PDE4D: variants seen among roughly 807,000 people sequenced by gnomAD.
PDE4D encodes phosphodiesterase 4D.
In PDE4D, 24 loss-of-function variants were observed where a neutral mutation model predicts 87.4. The observed-to-expected ratio is 0.27, with a 90% CI of 0.20 to 0.39. The LOEUF (loss-of-function observed/expected upper bound fraction) is 0.39, where lower values mean the gene tolerates loss of function less well. PDE4D is among the 10% of genes least tolerant of loss of function. The probability of loss-of-function intolerance (pLI) is 1.00; values close to 1 mark genes in which losing one functional copy is unlikely to be tolerated. For synonymous variants in PDE4D, 384 were observed against 383.2 expected (o/e 1.00, Z -0.02); for missense variants, 714 against 1,041.0 (o/e 0.69, Z 4.32).
At chr5:59,491,822 G>T (rs796903752) in intron 1 of PDE4D, among the ~76,000 whole-genome samples, 7 of 152,292 alleles carry the variant, frequency 4.6e-5, no homozygotes, top group African/African-American at 1.7e-4. Flanking sequence ...TGGTGAGATA[G>T]CAGGGATAAT....
Position 59,936,875 on chromosome 5 carries a change from A to G in PDE4D, c.272+51613T>C, listed in dbSNP as rs557871507. On this transcript the variant is annotated intron_variant, in intron 3 of 16. Coordinates refer to the PDE4D transcript ENST00000502484. ...CAAAATAAAGATAAGAATGGCTTAG[A>G]AAAAACATTTTTAGAGTTCCAAGGT... is the stretch of plus-strand genomic sequence containing the variant. Among the ~76,000 whole-genome samples, 10 of 152,360 alleles carry G rather than the reference A, an allele frequency of 6.6e-5. No homozygotes were observed. The South Asian group carries it at 1.7e-3, about 25-fold the overall frequency.
At chr5:59,118,324 G>A (rs991952060) in intron 5 of PDE4D, among the ~76,000 whole-genome samples, 11 of 152,048 alleles carry the variant, frequency 7.2e-5, no homozygotes, top group African/African-American at 2.4e-4. Flanking sequence ...CTTTCAACAC[G>A]TTGTATTTTA....
At chr5:59,991,323 A>G (rs1433805027) in intron 2 of PDE4D, among the ~76,000 whole-genome samples, 1 of 152,122 alleles carries the variant, frequency 6.6e-6, no homozygotes, top group Admixed American at 6.5e-5. Flanking sequence ...AAAGACAAGC[A>G]AGGCTAAGAC....
intron 1 of PDE4D, among the ~76,000 whole-genome samples, chr5:59,609,399 C>CACACACACACACACATATAT (rs1291122998): frequency 6.6e-6 from 1 of 151,130 alleles, no homozygotes; most frequent in African/African-American, 2.4e-5. Flanking sequence ...CACACACACA[C>CACACACACACACACATATAT]ATATATATAT....
intron 1 of PDE4D, chr5:59,586,260 C>T: frequency 1.7e-6 from 2 of 1,185,362 alleles, no homozygotes; most frequent in South Asian, 1.2e-5. Context: ...GACAAATCCT[C>T]ATCTGGTACC....
chr5:60,459,302 C>A (rs1213061498), intron 1 of PDE4D, among the ~76,000 whole-genome samples: 5 of 152,088 alleles, frequency 3.3e-5, no homozygotes, highest in Admixed American at 2.6e-4. Context: ...AAAGGAGAAG[C>A]CATGTTGTCA....
At chr5:59,945,297 A>G (rs777370197) in intron 3 of PDE4D, among the ~76,000 whole-genome samples, 4 of 152,376 alleles carry the variant, frequency 2.6e-5, no homozygotes, top group Non-Finnish European at 4.4e-5. Context: ...TGACTAAAAC[A>G]TTAAAAGATG....
chr5:59,186,864 C>T (rs898580076), intron 3 of PDE4D, among the ~76,000 whole-genome samples: 10 of 152,150 alleles, frequency 6.6e-5, no homozygotes, highest in African/African-American at 1.7e-4. Context: ...CATCAGACCA[C>T]GATGTCTTTC....
At chr5:60,147,957 C>A (rs1317016097) in intron 2 of PDE4D, 13 of 302,678 alleles carry the variant, frequency 4.3e-5, no homozygotes, top group Non-Finnish European at 8.7e-5. Flanking sequence ...CATCATAACT[C>A]CTCCTGAATT....
intron 1 of PDE4D, among the ~76,000 whole-genome samples, chr5:60,455,268 A>G (rs936168192): frequency 1.3e-5 from 2 of 152,220 alleles, no homozygotes; most frequent in African/African-American, 4.8e-5. Context: ...ATTTTCTATT[A>G]TGAATTTACT....
intron 1 of PDE4D, among the ~76,000 whole-genome samples, chr5:59,591,170 A>T (rs1384962692): frequency 6.6e-6 from 1 of 152,224 alleles, no homozygotes; most frequent in Non-Finnish European, 1.5e-5. Context: ...CTTTAAAAAA[A>T]ATTACAAAAA....
intron 6 of PDE4D, among the ~76,000 whole-genome samples, chr5:59,011,599 T>C (rs1752825587): frequency 6.6e-6 from 1 of 151,970 alleles, no homozygotes; most frequent in Non-Finnish European, 1.5e-5. Context: ...AAGAGAAGTT[T>C]AGAGAAAAAA....
At chr5:60,323,863 C>T (rs1450380916) in intron 1 of PDE4D, among the ~76,000 whole-genome samples, 1 of 140,894 alleles carries the variant, frequency 7.1e-6, no homozygotes, top group Non-Finnish European at 1.5e-5. Flanking sequence ...GTCTCCTCTG[C>T]CCCCTGCTCC....
chr5:59,306,418 T>C (rs1294727830), intron 1 of PDE4D, among the ~76,000 whole-genome samples: 3 of 152,196 alleles, frequency 2.0e-5, no homozygotes, highest in Non-Finnish European at 4.4e-5. Flanking sequence ...GAGGTACCAT[T>C]GCATTCATCA....
At chr5:59,936,067 C>T (rs933885912) in intron 3 of PDE4D, among the ~76,000 whole-genome samples, 1 of 152,046 alleles carries the variant, frequency 6.6e-6, no homozygotes, top group African/African-American at 2.4e-5. Context: ...GTTTACAGTC[C>T]CACCAACGGT....
chr5:60,307,182 C>T (rs1394234326), intron 1 of PDE4D, among the ~76,000 whole-genome samples: 1 of 152,000 alleles, frequency 6.6e-6, no homozygotes, highest in Non-Finnish European at 1.5e-5. Context: ...GTTGTAAATA[C>T]TTTAAACAAC....
chr5:60,416,857 C>A (rs1036275060), intron 1 of PDE4D, among the ~76,000 whole-genome samples: 7 of 152,134 alleles, frequency 4.6e-5, no homozygotes, highest in Admixed American at 4.6e-4. Context: ...CCCACTTTAC[C>A]CCCAATCCAC....
chr5:59,911,099 G>A (rs1018331264), intron 3 of PDE4D, among the ~76,000 whole-genome samples: 1 of 152,186 alleles, frequency 6.6e-6, no homozygotes, highest in Non-Finnish European at 1.5e-5. Flanking sequence ...AAACAAAGAT[G>A]ATAATAGCCC....
chr5:59,305,835 G>C (rs974890493), intron 1 of PDE4D, among the ~76,000 whole-genome samples: 1 of 152,092 alleles, frequency 6.6e-6, no homozygotes, highest in Non-Finnish European at 1.5e-5. Context: ...GTCTATCTTG[G>C]AGAAAGTTCC....
Sources: gnomAD v4.1 joint callset for allele counts (sites outside exome capture counted in the v4.1 genomes callset) on GRCh38, gnomAD v4.1.1 for gene constraint, MANE v1.5 for transcripts, NCBI Gene and HGNC (gene_info 2026-07-23, HGNC 2026-07-21) for gene names.